MAGI2: variants seen among roughly 807,000 people sequenced by gnomAD.
MAGI2 encodes membrane-associated guanylate kinase, WW and PDZ domain-containing protein 2.
A neutral mutation model predicts 133.3 loss-of-function variants in MAGI2; 35 were observed. The ratio of observed to expected loss-of-function variants is 0.26; its 90% confidence interval spans 0.20 to 0.35. MAGI2 has a LOEUF of 0.35. MAGI2 is among the 10% of genes least tolerant of loss of function. MAGI2 has a pLI of 1.00. For missense variants in MAGI2, 1,636 were observed against 1,863.4 expected (o/e 0.88, Z 2.25); for synonymous variants, 729 against 710.6 (o/e 1.03, Z -0.41).
rs150032838 is a variant in MAGI2 at position 78,773,806 on chromosome 7, C to T, written c.419-146567G>A. The stretch of plus-strand genomic sequence containing the variant: ...CTGCGAGTGATCTTAAATGTTCTGC[C>T]AAGGAATTTGTGCTTCATCTGAGAT... On this transcript the variant is annotated intron_variant, in intron 2 of 21. Transcript: ENST00000354212. Among the ~76,000 whole-genome samples, 1,260 of 152,134 alleles carry T rather than the reference C, an allele frequency of 8.3e-3. 10 individuals carry two copies. Among genetic ancestry groups the T allele is most frequent in the Non-Finnish European group, 0.012 (805 of 67,980 alleles).
At chr7:79,113,912 C>T (rs1462428323) in intron 1 of MAGI2, among the ~76,000 whole-genome samples, 1 of 151,992 alleles carries the variant, frequency 6.6e-6, no homozygotes, top group African/African-American at 2.4e-5. Context: ...ATTATATTAC[C>T]TTTCAGAGGC....
At chr7:78,638,849 GAATT>G (rs775237413) in intron 2 of MAGI2, among the ~76,000 whole-genome samples, 14 of 152,022 alleles carry the variant, frequency 9.2e-5, no homozygotes, top group East Asian at 1.9e-4. Flanking sequence ...GCATTCTATA[GAATT>G]AATAAAAGGA....
intron 2 of MAGI2, among the ~76,000 whole-genome samples, chr7:78,631,302 T>C (rs966470542): frequency 6.6e-6 from 1 of 152,148 alleles, no homozygotes; most frequent in African/African-American, 2.4e-5. Flanking sequence ...CTCCAAATAT[T>C]TGGCAAGTTC....
intron 9 of MAGI2, among the ~76,000 whole-genome samples, chr7:78,319,805 C>T (rs1787811058): frequency 6.6e-6 from 1 of 151,976 alleles, no homozygotes; most frequent in Admixed American, 6.6e-5. Context: ...GATAGAAACA[C>T]AAAAAACCCT....
chr7:78,861,672 A>G (rs1209355908), intron 2 of MAGI2, among the ~76,000 whole-genome samples: 3 of 152,226 alleles, frequency 2.0e-5, no homozygotes, highest in African/African-American at 7.2e-5. Flanking sequence ...AATAATGATA[A>G]TGGTCAGGGC....
At chr7:78,455,527 C>T (rs1455621643) in intron 6 of MAGI2, among the ~76,000 whole-genome samples, 2 of 152,014 alleles carry the variant, frequency 1.3e-5, no homozygotes, top group Non-Finnish European at 2.9e-5. Flanking sequence ...TTTAAATATG[C>T]CCATTATTTA....
At chr7:78,848,445 G>A (rs1444200895) in intron 2 of MAGI2, among the ~76,000 whole-genome samples, 1 of 151,878 alleles carries the variant, frequency 6.6e-6, no homozygotes, top group Non-Finnish European at 1.5e-5. Context: ...GCCATCCTTT[G>A]AGCCTTTCTC....
intron 2 of MAGI2, among the ~76,000 whole-genome samples, chr7:78,856,869 C>G (rs1310098476): frequency 6.6e-6 from 1 of 152,026 alleles, no homozygotes; most frequent in African/African-American, 2.4e-5. Context: ...CAATATTGAT[C>G]CTTCCTATCC....
rs751898234 is a variant in MAGI2, at chr7:78,132,988, T to C, written c.3104A>G (p.Gln1035Arg). The change falls in exon 18 of 22, where the codon CAG (glutamine) becomes CGG (arginine). Residue 1035 changes from glutamine (Q) to arginine (R), a missense_variant. By Grantham distance (43) the Gln-to-Arg change is conservative. This residue lies in a region of MAGI2 where 920 missense variants were observed against 1,093.5 expected (regional missense o/e 0.84). Transcript: ENST00000354212. The stretch of plus-strand genomic sequence containing the variant: ...GCTTGGCTGGGCCAGGGGACTCTGC[T>C]GTGCCAGGGGACTCTGCTGCGCCAT... Reference protein sequence around the residue: ...SPMAQQSPLAQQSPLAQPSPA... With the variant: ...SPMAQQSPLARQSPLAQPSPA... 3.7e-6 allele frequency: 6 copies of C among 1,612,012 alleles called. No individual in the cohort carries two copies. In the South Asian group the frequency reaches 6.6e-5, roughly 18 times the overall value.
At chr7:78,938,169 GA>G (rs1457180475) in intron 2 of MAGI2, among the ~76,000 whole-genome samples, 6 of 151,726 alleles carry the variant, frequency 4.0e-5, no homozygotes, top group Non-Finnish European at 7.4e-5. Flanking sequence ...TACATATGTT[GA>G]AAAAACAAAA....
At chr7:79,030,984 C>T (rs545763967) in intron 1 of MAGI2, among the ~76,000 whole-genome samples, 1 of 152,250 alleles carries the variant, frequency 6.6e-6, no homozygotes, top group South Asian at 2.1e-4. Context: ...CTCAATAAAT[C>T]ACTGCCATTC....
chr7:78,435,583 T>C (rs1800208433), intron 6 of MAGI2, among the ~76,000 whole-genome samples: 1 of 152,098 alleles, frequency 6.6e-6, no homozygotes, highest in Admixed American at 6.6e-5. Flanking sequence ...AGCTGAGAAC[T>C]GCAAGCAGAA....
chr7:78,839,057 C>A (rs472023), intron 2 of MAGI2, among the ~76,000 whole-genome samples: 81,361 of 151,702 alleles, frequency 0.54, 22,210 homozygotes, highest in East Asian at 0.71. Context: ...AATAAGACAG[C>A]ATAGGGAAGA....
At chr7:79,385,936 G>T (rs1164067647) in intron 1 of MAGI2, among the ~76,000 whole-genome samples, 1 of 151,846 alleles carries the variant, frequency 6.6e-6, no homozygotes, top group Non-Finnish European at 1.5e-5. Flanking sequence ...ATAACATTAT[G>T]TTGTAAACCT....
At chr7:79,109,493 G>A (rs1042250629) in intron 1 of MAGI2, among the ~76,000 whole-genome samples, 1 of 152,154 alleles carries the variant, frequency 6.6e-6, no homozygotes, top group Non-Finnish European at 1.5e-5. Context: ...AATGTCTAAG[G>A]AGCAAAGCAT....
At chr7:78,403,579 T>C (rs1006381313) in intron 6 of MAGI2, among the ~76,000 whole-genome samples, 1 of 152,190 alleles carries the variant, frequency 6.6e-6, no homozygotes, top group Non-Finnish European at 1.5e-5. Flanking sequence ...TGCCACACTG[T>C]CTTCCACAAT....
chr7:79,057,098 A>G (rs1419757619), intron 1 of MAGI2, among the ~76,000 whole-genome samples: 2 of 152,202 alleles, frequency 1.3e-5, no homozygotes, highest in African/African-American at 2.4e-5. Flanking sequence ...TTCTTTTTCA[A>G]GCTCACAGAA....
chr7:79,187,061 T>C (rs917519903), intron 1 of MAGI2, among the ~76,000 whole-genome samples: 1 of 151,360 alleles, frequency 6.6e-6, no homozygotes, highest in African/African-American at 2.4e-5. Flanking sequence ...CTTAAGAATT[T>C]GGGGGAAATT....
intron 1 of MAGI2, among the ~76,000 whole-genome samples, chr7:79,181,530 A>T (rs546943766): frequency 6.6e-6 from 1 of 151,786 alleles, no homozygotes; most frequent in African/African-American, 2.4e-5. Context: ...CCGGCCCACA[A>T]AACTATTTTT....
Sources: allele counts gnomAD v4.1 joint callset (sites outside exome capture counted in the v4.1 genomes callset), GRCh38; gene constraint gnomAD v4.1.1; regional missense constraint gnomAD v4.1.1; transcripts MANE v1.5; gene names NCBI Gene and HGNC (gene_info 2026-07-23, HGNC 2026-07-21).